The following MKLN1 variants were observed in gnomAD, a reference collection of about 807,000 sequenced individuals.
The protein encoded by MKLN1 is muskelin 1.
In MKLN1, 18 loss-of-function variants were observed where a neutral mutation model predicts 99.0. The observed-to-expected ratio is 0.18, with a 90% CI of 0.13 to 0.27. The LOEUF (loss-of-function observed/expected upper bound fraction) is 0.27. MKLN1 is among the 10% of genes least tolerant of loss of function. The probability of loss-of-function intolerance (pLI) is 1.00; values close to 1 mark genes in which losing one functional copy is unlikely to be tolerated. For missense variants in MKLN1, 621 were observed against 875.9 expected (o/e 0.71, Z 3.67); for synonymous variants, 288 against 293.2 (o/e 0.98, Z 0.18).
rs111385979 is a variant in MKLN1 at position 131,410,646 on chromosome 7, G to C, written c.704-660G>C. Among the ~76,000 whole-genome samples the C allele has an allele frequency of 3.5e-3, 533 of 152,210 alleles. 2 individuals carry two copies. Among genetic ancestry groups the C allele is most frequent in the African/African-American group, 0.012 (507 of 41,546 alleles). ...GTACTGGCACAAAGCACTGTTGGGG[G>C]AAAGAGATTAGGATCCAATGAATCC... is the stretch of plus-strand genomic sequence containing the variant. On this transcript the variant is annotated intron_variant, in intron 6 of 17. Coordinates refer to ENST00000352689, the MANE Select transcript of MKLN1 (RefSeq NM_013255.5).
intron 2 of MKLN1, among the ~76,000 whole-genome samples, chr7:131,384,772 G>A (rs141135163): frequency 9.9e-5 from 15 of 152,272 alleles, no homozygotes; most frequent in African/African-American, 3.6e-4. Flanking sequence ...ATGAGCTAAT[G>A]CATGTAAAAG....
intron 3 of MKLN1, among the ~76,000 whole-genome samples, chr7:131,297,534 A>C (rs1418761118): frequency 6.6e-6 from 1 of 151,784 alleles, no homozygotes; most frequent in African/African-American, 2.4e-5. Context: ...GCAGGCCTTG[A>C]GTATGTGTAG....
intron 2 of MKLN1, among the ~76,000 whole-genome samples, chr7:131,172,766 T>C (rs570197878): frequency 2.8e-4 from 43 of 152,344 alleles, no homozygotes; most frequent in Middle Eastern, 6.8e-3. Flanking sequence ...AAACCTGATG[T>C]TGGACTTTTC....
At chr7:131,224,108 A>C (rs1408881949) in intron 3 of MKLN1, among the ~76,000 whole-genome samples, 1 of 151,976 alleles carries the variant, frequency 6.6e-6, no homozygotes, top group Non-Finnish European at 1.5e-5. Flanking sequence ...AAGTTTAAAA[A>C]CTCAAAGCAC....
intron 2 of MKLN1, among the ~76,000 whole-genome samples, chr7:131,152,209 A>G (rs67544913): frequency 0.43 from 65,162 of 151,820 alleles, 14,658 homozygotes; most frequent in East Asian, 0.73. Flanking sequence ...TATAATCCCA[A>G]CTACCAGGAG....
chr7:131,293,359 AT>A (rs1436872422), intron 3 of MKLN1, among the ~76,000 whole-genome samples: 2 of 152,220 alleles, frequency 1.3e-5, no homozygotes, highest in Non-Finnish European at 2.9e-5. Context: ...ATGCCACTGA[AT>A]TTTGGGATAG....
At chr7:131,405,392 A>G (rs1217558809) in intron 6 of MKLN1, among the ~76,000 whole-genome samples, 2 of 151,964 alleles carry the variant, frequency 1.3e-5, no homozygotes, top group Non-Finnish European at 2.9e-5. Context: ...TATCAAGTGC[A>G]CTAGTCTCTT....
chr7:131,378,481 A>C (rs574470910), intron 2 of MKLN1, among the ~76,000 whole-genome samples: 8 of 152,170 alleles, frequency 5.3e-5, no homozygotes, highest in Non-Finnish European at 2.9e-5. Context: ...TGTAAGCTAT[A>C]ATATTTCTTT....
chr7:131,425,310 A>G (rs1014395926), intron 8 of MKLN1, among the ~76,000 whole-genome samples: 2 of 149,532 alleles, frequency 1.3e-5, no homozygotes, highest in African/African-American at 2.5e-5. Context: ...TTTGTTCTGT[A>G]TCCTGCCTTC....
intron 1 of MKLN1, among the ~76,000 whole-genome samples, chr7:131,142,058 C>A (rs556092818): frequency 6.6e-6 from 1 of 152,182 alleles, no homozygotes; most frequent in South Asian, 2.1e-4. Flanking sequence ...AGCAGGGTTG[C>A]TGCAGCCCAG....
rs149381002 is a variant in MKLN1 at position 131,469,239 on chromosome 7, C to T, written c.1929-1603C>T. Among the ~76,000 whole-genome samples, 29 of 152,184 alleles carry T rather than the reference C, an allele frequency of 1.9e-4. No homozygotes were observed. The East Asian group carries it at 5.2e-3, about 27-fold the overall frequency. On this transcript the variant is annotated intron_variant, in intron 15 of 17. Transcript: ENST00000352689. ...ATGGATGGATGGCCGGCCGGCCAGA[C>T]GGACGGACGGACAGACAGAATCTGC...
intron 2 of MKLN1, among the ~76,000 whole-genome samples, chr7:131,158,941 C>T (rs1796007697): frequency 6.6e-6 from 1 of 152,048 alleles, no homozygotes; most frequent in South Asian, 2.1e-4. Context: ...TGATGGGCTA[C>T]AAGCAACATA....
chr7:131,126,995 G>A lies in MKLN1; in HGVS notation c.-418-15825G>A, dbSNP rs548645078. Among the ~76,000 whole-genome samples the A allele has an allele frequency of 1.0e-3, 158 of 152,136 alleles. 1 individual carries two copies. Among genetic ancestry groups the A allele is most frequent in the African/African-American group, 3.7e-3 (152 of 41,542 alleles). On this transcript the variant is annotated intron_variant, in intron 1 of 7. Coordinates refer to the MKLN1 transcript ENST00000416992. ...AGCCTGACCAACATGGAAAAACTCC[G>A]TCTCTACTAAAAATACAAAATTAGC...
intron 4 of MKLN1, among the ~76,000 whole-genome samples, chr7:131,389,294 T>G (rs918735671): frequency 1.1e-4 from 16 of 152,174 alleles, no homozygotes; most frequent in African/African-American, 3.4e-4. Flanking sequence ...GTTTTCTCAT[T>G]TGAAAGTTTT....
chr7:131,338,067 A>G (rs1190577452), intron 1 of MKLN1, among the ~76,000 whole-genome samples: 2 of 152,168 alleles, frequency 1.3e-5, no homozygotes, highest in Non-Finnish European at 2.9e-5. Context: ...AGCCCCCTAG[A>G]GATCTCAATT....
chr7:131,176,115 T>C (rs1796294966), intron 2 of MKLN1, among the ~76,000 whole-genome samples: 1 of 151,774 alleles, frequency 6.6e-6, no homozygotes, highest in South Asian at 2.1e-4. Context: ...TATTAAAGTT[T>C]ATTTTATCAA....
At chr7:131,415,878 G>A (rs751345885) in intron 8 of MKLN1, among the ~76,000 whole-genome samples, 17 of 151,692 alleles carry the variant, frequency 1.1e-4, no homozygotes, top group Non-Finnish European at 2.2e-4. Flanking sequence ...CCCTTTTTTT[G>A]AACATAGAGT....
chr7:131,182,058 C>T (rs948788249), intron 2 of MKLN1, among the ~76,000 whole-genome samples: 9 of 152,090 alleles, frequency 5.9e-5, no homozygotes, highest in South Asian at 2.1e-4. Context: ...TGCTGGAACC[C>T]GGGACGGGGA....
intron 3 of MKLN1, among the ~76,000 whole-genome samples, chr7:131,261,522 G>A (rs1384051953): frequency 1.3e-5 from 2 of 152,186 alleles, no homozygotes; most frequent in Non-Finnish European, 2.9e-5. Flanking sequence ...TAGAGAAAAG[G>A]CAACACTTAT....
Sources: allele counts gnomAD v4.1 joint callset (sites outside exome capture counted in the v4.1 genomes callset), GRCh38; gene constraint gnomAD v4.1.1; transcripts MANE v1.5; gene names NCBI Gene and HGNC (gene_info 2026-07-23, HGNC 2026-07-21).